The following IL1RAPL1 variants were observed in gnomAD, a reference collection of about 807,000 sequenced individuals.
IL1RAPL1 encodes the protein interleukin-1 receptor accessory protein-like 1.
In IL1RAPL1, 3 loss-of-function variants were observed where a neutral mutation model predicts 48.4. The ratio of observed to expected loss-of-function variants is 0.06; its 90% CI spans 0.03 to 0.16. The LOEUF is 0.16. Ranked by LOEUF, IL1RAPL1 falls within the 10% of genes least tolerant of loss-of-function variation. IL1RAPL1 has a pLI of 1.00. For synonymous variants in IL1RAPL1, 185 were observed against 187.7 expected (o/e 0.99, Z 0.12); for missense variants, 349 against 530.6 (o/e 0.66, Z 3.36).
rs145111557 is a variant in IL1RAPL1, at chrX:29,939,401, G to T, written c.1058-2250G>T. Among the ~76,000 whole-genome samples, 215 of 111,877 alleles carry T rather than the reference G, an allele frequency of 1.9e-3. 6 individuals carry two copies. The East Asian group carries it at 0.037, about 19-fold the overall frequency. On this transcript the variant is annotated intron_variant, in intron 8 of 10. Transcript: ENST00000378993. ...CTTCCTGATGTATAAATCACCCTGT[G>T]GGCATAAGTTAGAATTTTACACAGG...
chrX:29,891,141 C>T (rs758704293), intron 6 of IL1RAPL1, among the ~76,000 whole-genome samples: 1 of 112,189 alleles, frequency 8.9e-6, no homozygotes, highest in Non-Finnish European at 1.9e-5. Flanking sequence ...ACACTCTGCA[C>T]TCTGTCATCT....
intron 6 of IL1RAPL1, among the ~76,000 whole-genome samples, chrX:29,869,514 A>G (rs772203330): frequency 1.8e-4 from 20 of 111,664 alleles, no homozygotes; most frequent in Non-Finnish European, 2.6e-4. Flanking sequence ...ATGGGCTTCA[A>G]CAAAAGCTAA....
chrX:29,312,980 T>C (rs1349562473), intron 3 of IL1RAPL1, among the ~76,000 whole-genome samples: 1 of 111,772 alleles, frequency 8.9e-6, no homozygotes, highest in East Asian at 2.8e-4. Flanking sequence ...GGTGGAACTG[T>C]GAGTCCATTA....
At chrX:29,191,395 A>G (rs891348119) in intron 2 of IL1RAPL1, among the ~76,000 whole-genome samples, 2 of 111,544 alleles carry the variant, frequency 1.8e-5, no homozygotes, top group African/African-American at 6.5e-5. Flanking sequence ...CAGGAGAAAA[A>G]AGAAAAGCCC....
chrX:28,854,303 T>C (rs1488118233), intron 2 of IL1RAPL1, among the ~76,000 whole-genome samples: 1 of 111,331 alleles, frequency 9.0e-6, no homozygotes, highest in African/African-American at 3.3e-5. Context: ...GAATGAGGAA[T>C]GCATAAAAAG....
At chrX:28,763,586 G>C (rs1936200884) in intron 1 of IL1RAPL1, among the ~76,000 whole-genome samples, 1 of 111,320 alleles carries the variant, frequency 9.0e-6, no homozygotes. Context: ...GAGAGGACCA[G>C]TGAGAAGAAT....
rs768069987 is a variant in IL1RAPL1 at position 29,221,429 on chromosome X, T to G, written c.83-61509T>G. On this transcript the variant is annotated intron_variant, in intron 2 of 10. Coordinates refer to ENST00000378993, the MANE Select transcript of IL1RAPL1 (RefSeq NM_014271.4). Reference sequence around the variant, plus strand: ...GATTTCACCTCTACCTGACTAAAACTACTAATGCTCAGGAGAACGAATCAA... The same window carrying G: ...GATTTCACCTCTACCTGACTAAAACGACTAATGCTCAGGAGAACGAATCAA... 9.9e-5 allele frequency among the ~76,000 whole-genome samples: 11 copies of G among 111,160 alleles called. No individual in the cohort carries two copies. The East Asian group carries it at 2.8e-3, about 29-fold the overall frequency.
intron 6 of IL1RAPL1, among the ~76,000 whole-genome samples, chrX:29,682,853 C>G (rs889282985): frequency 6.3e-5 from 7 of 111,906 alleles, no homozygotes; most frequent in African/African-American, 2.3e-4. Context: ...TGAAGATTCC[C>G]CTTCATGGAT....
chrX:28,852,924 C>T (rs1360664130), intron 2 of IL1RAPL1, among the ~76,000 whole-genome samples: 1 of 110,107 alleles, frequency 9.1e-6, no homozygotes, highest in African/African-American at 3.3e-5. Flanking sequence ...GCATTTAGCA[C>T]AATCCATCTA....
chrX:29,146,900 A>G (rs1345909956), intron 2 of IL1RAPL1, among the ~76,000 whole-genome samples: 1 of 112,563 alleles, frequency 8.9e-6, no homozygotes, highest in Non-Finnish European at 1.9e-5. Context: ...GGAAGAAGCT[A>G]CTTCTTTTGC....
At chrX:29,717,203 T>TACACACAC (rs61417683) in intron 6 of IL1RAPL1, among the ~76,000 whole-genome samples, 12,802 of 95,286 alleles carry the variant, frequency 0.13, 782 homozygotes, top group South Asian at 0.27. Flanking sequence ...AGAGCCAGAT[T>TACACACAC]ACACACACAC....
At chrX:29,003,199 C>T (rs1925898762) in intron 2 of IL1RAPL1, among the ~76,000 whole-genome samples, 1 of 111,441 alleles carries the variant, frequency 9.0e-6, no homozygotes, top group Admixed American at 9.6e-5. Context: ...TAGACTCTTC[C>T]ATGTACATAC....
chrX:29,914,056 C>T lies in IL1RAPL1; in HGVS notation c.779-3408C>T, dbSNP rs183554792. Among the ~76,000 whole-genome samples, 4 of 111,522 alleles carry T rather than the reference C, an allele frequency of 3.6e-5. No homozygotes were observed. The East Asian group carries it at 1.1e-3, about 31-fold the overall frequency. On this transcript the variant is annotated intron_variant, in intron 6 of 10. Coordinates refer to ENST00000378993, the MANE Select transcript of IL1RAPL1 (RefSeq NM_014271.4). ...CTTCCTTGAATTTCACTGTCTTACC[C>T]ACAGCAAGCCCATCTCAAGACTGGT...
At chrX:28,877,697 G>C (rs1922408019) in intron 2 of IL1RAPL1, among the ~76,000 whole-genome samples, 1 of 111,645 alleles carries the variant, frequency 9.0e-6, no homozygotes, top group Non-Finnish European at 1.9e-5. Flanking sequence ...GAATCCTAGA[G>C]ATGGAGGATA....
rs547373476 is a variant in IL1RAPL1 at position 28,923,801 on chromosome X, T to C, written c.82+134376T>C. On this transcript the variant is annotated intron_variant, in intron 2 of 10. Coordinates refer to ENST00000378993, the MANE Select transcript of IL1RAPL1 (RefSeq NM_014271.4). ...AAAACATGCTTGAATTATAATTCTA[T>C]AATATATTAATATTAAAATACTGGA... Among the ~76,000 whole-genome samples, 23 of 111,751 alleles carry C rather than the reference T, an allele frequency of 2.1e-4. 1 individual carries two copies. In the South Asian group the frequency reaches 7.3e-3, roughly 36 times the overall value.
chrX:29,656,217 A>G (rs1425834703), intron 5 of IL1RAPL1, among the ~76,000 whole-genome samples: 2 of 112,813 alleles, frequency 1.8e-5, no homozygotes, highest in Non-Finnish European at 3.7e-5. Context: ...ACTGAAGTAT[A>G]TTAGTATATA....
At chrX:29,774,449 G>T (rs1436492479) in intron 6 of IL1RAPL1, among the ~76,000 whole-genome samples, 1 of 111,678 alleles carries the variant, frequency 9.0e-6, no homozygotes, top group Admixed American at 9.6e-5. Context: ...TGGATAACTT[G>T]CTTGCATAAA....
At chrX:28,661,709 TGATAA>T (rs2146909569) in intron 1 of IL1RAPL1, among the ~76,000 whole-genome samples, 1 of 111,788 alleles carries the variant, frequency 8.9e-6, no homozygotes, top group African/African-American at 3.2e-5. Flanking sequence ...CAATATAAGT[TGATAA>T]GAAAAACCAA....
chrX:28,724,990 C>T (rs1298919715), intron 1 of IL1RAPL1, among the ~76,000 whole-genome samples: 4 of 101,559 alleles, frequency 3.9e-5, no homozygotes, highest in African/African-American at 1.5e-4. Context: ...CTCACTCTGT[C>T]CCCCAGGCTG....
Sources: gnomAD v4.1 joint callset for allele counts (sites outside exome capture counted in the v4.1 genomes callset) on GRCh38, gnomAD v4.1.1 for gene constraint, MANE v1.5 for transcripts, NCBI Gene and HGNC (gene_info 2026-07-23, HGNC 2026-07-21) for gene names.